KIAA0825: variants seen among roughly 807,000 people sequenced by gnomAD.
KIAA0825 encodes KIAA0825.
Under a neutral mutation model 147.6 loss-of-function variants are expected in KIAA0825, and 119 were observed. The observed-to-expected ratio is 0.81, with a 90% CI of 0.69 to 0.94. KIAA0825 has a LOEUF of 0.94. KIAA0825 is among the 40% of genes least tolerant of loss of function. The pLI, the probability that KIAA0825 is intolerant of heterozygous loss-of-function variation, is 0.00. For synonymous variants in KIAA0825, 470 were observed against 518.1 expected, an observed-to-expected ratio of 0.91 and a Z score of 1.26; for missense variants, 1,381 against 1,472.7, an observed-to-expected ratio of 0.94 and a Z score of 1.02.
At chr5:94,599,211 C>T (rs2152413907) in intron 1 of KIAA0825, among the ~76,000 whole-genome samples, 1 of 152,074 alleles carries the variant, frequency 6.6e-6, no homozygotes, top group East Asian at 1.9e-4. Flanking sequence ...TTTTGATTTG[C>T]ATTTCCCTGA....
chr5:94,543,220 G>T (rs1773681814), intron 2 of KIAA0825, among the ~76,000 whole-genome samples: 1 of 152,164 alleles, frequency 6.6e-6, no homozygotes, highest in African/African-American at 2.4e-5. Context: ...GAGACAGGAG[G>T]ATCTCCTGCA....
intron 15 of KIAA0825, chr5:94,413,309 G>A (rs929670471): frequency 6.6e-6 from 1 of 152,086 alleles, no homozygotes; most frequent in African/African-American, 2.4e-5. Flanking sequence ...CACATATACT[G>A]AGGGATGACT....
At chr5:94,574,173 C>T (rs1382496265) in intron 2 of KIAA0825, among the ~76,000 whole-genome samples, 2 of 152,088 alleles carry the variant, frequency 1.3e-5, no homozygotes, top group African/African-American at 4.8e-5. Flanking sequence ...TTCACAGGCC[C>T]CACAGTTGGA....
At chr5:94,200,743 C>T (rs1771584841) in intron 20 of KIAA0825, among the ~76,000 whole-genome samples, 1 of 151,594 alleles carries the variant, frequency 6.6e-6, no homozygotes, top group African/African-American at 2.4e-5. Context: ...CAAAACAAAC[C>T]AAACTGAAAC....
intron 20 of KIAA0825, among the ~76,000 whole-genome samples, chr5:94,274,347 G>A (rs908169453): frequency 1.3e-5 from 2 of 152,120 alleles, no homozygotes; most frequent in African/African-American, 4.8e-5. Flanking sequence ...GAAAGGGTTT[G>A]TGAGCAATAT....
chr5:94,589,424 C>CAAA (rs1228600911), intron 1 of KIAA0825, among the ~76,000 whole-genome samples: 49 of 152,048 alleles, frequency 3.2e-4, no homozygotes, highest in Non-Finnish European at 5.9e-4. Flanking sequence ...AATCTTTTTT[C>CAAA]AAGTGTTTGA....
At chr5:94,192,154 G>A (rs1032556943) in intron 20 of KIAA0825, among the ~76,000 whole-genome samples, 1 of 152,122 alleles carries the variant, frequency 6.6e-6, no homozygotes, top group Non-Finnish European at 1.5e-5. Flanking sequence ...AACTTCCCAC[G>A]GGAAAGAAAA....
At chr5:94,340,194 C>T (rs1254707651) in intron 20 of KIAA0825, among the ~76,000 whole-genome samples, 2 of 152,116 alleles carry the variant, frequency 1.3e-5, no homozygotes, top group Admixed American at 1.3e-4. Flanking sequence ...CTCTAATCTA[C>T]ACACATCTTC....
intron 20 of KIAA0825, among the ~76,000 whole-genome samples, chr5:94,372,232 A>G (rs1746818422): frequency 6.6e-6 from 1 of 152,104 alleles, no homozygotes. Context: ...GTGTGGTGCA[A>G]GCTATCAGTG....
chr5:94,444,633 G>A (rs1757510335), intron 13 of KIAA0825, among the ~76,000 whole-genome samples: 1 of 152,044 alleles, frequency 6.6e-6, no homozygotes, highest in Non-Finnish European at 1.5e-5. Context: ...GGAATAGGTG[G>A]TAGAAGAATG....
chr5:94,509,903 A>T (rs994464067), intron 5 of KIAA0825, among the ~76,000 whole-genome samples: 1 of 152,238 alleles, frequency 6.6e-6, no homozygotes, highest in African/African-American at 2.4e-5. Flanking sequence ...CATTAAAAGT[A>T]CATCCTCTTC....
At chr5:94,466,693 TG>T (rs1453097046) in intron 10 of KIAA0825, among the ~76,000 whole-genome samples, 2 of 132,538 alleles carry the variant, frequency 1.5e-5, no homozygotes, top group African/African-American at 5.9e-5. Context: ...GCCGAGATCG[TG>T]CCACTGCACT....
chr5:94,315,559 C>G (rs1302614563), intron 20 of KIAA0825, among the ~76,000 whole-genome samples: 1 of 151,606 alleles, frequency 6.6e-6, no homozygotes, highest in Non-Finnish European at 1.5e-5. Flanking sequence ...AGTCCACTAT[C>G]ATCTTACAAT....
At chr5:94,502,205 T>C (rs1203291940) in intron 5 of KIAA0825, among the ~76,000 whole-genome samples, 1 of 152,134 alleles carries the variant, frequency 6.6e-6, no homozygotes, top group African/African-American at 2.4e-5. Context: ...CATACATACA[T>C]ACATACACAC....
In KIAA0825 at chr5:94,386,330, C is replaced by T. The variant is rs374972554; in HGVS notation, c.3531G>A (p.Thr1177=). Residue 1177 remains threonine, a synonymous_variant, in exon 19 of 21, where the codon ACG becomes ACA. Transcript: ENST00000682413. ...EKPLPIRPLK[T]TLRSIEDQPS... Reference sequence around the variant, plus strand: ...GCTGATCTTCTATACTCCTCAAGGTCGTCTTTAAAGGTCGGATGGGTAATG... The same window carrying T: ...GCTGATCTTCTATACTCCTCAAGGTTGTCTTTAAAGGTCGGATGGGTAATG... 1.7e-5 allele frequency: 26 copies of T among 1,551,524 alleles called. No individual in the cohort carries two copies. The highest frequency in any genetic ancestry group is 6.8e-5 in the African/African-American group (5 of 73,100).
chr5:94,236,004 T>C (rs140649186), intron 20 of KIAA0825, among the ~76,000 whole-genome samples: 4,196 of 152,314 alleles, frequency 0.028, 116 homozygotes, highest in Non-Finnish European at 0.036. Flanking sequence ...AATGGAGATG[T>C]ACAAGGAGAT....
chr5:94,357,642 C>T (rs1744461123), intron 20 of KIAA0825, among the ~76,000 whole-genome samples: 1 of 152,164 alleles, frequency 6.6e-6, no homozygotes, highest in South Asian at 2.1e-4. Context: ...AGCCATCACA[C>T]CTGTGACTCT....
chr5:94,540,593 G>A (rs960036624), intron 2 of KIAA0825, among the ~76,000 whole-genome samples: 1 of 152,176 alleles, frequency 6.6e-6, no homozygotes, highest in Non-Finnish European at 1.5e-5. Context: ...GAAAGAGCTT[G>A]ATTAATTGGC....
intron 20 of KIAA0825, among the ~76,000 whole-genome samples, chr5:94,224,242 G>T (rs961043516): frequency 6.6e-6 from 1 of 150,810 alleles, no homozygotes; most frequent in Non-Finnish European, 1.5e-5. Flanking sequence ...GATTACAGCC[G>T]CCCACCACCA....
Sources: gnomAD v4.1 joint callset for allele counts (sites outside exome capture counted in the v4.1 genomes callset) on GRCh38, gnomAD v4.1.1 for gene constraint, MANE v1.5 for transcripts, NCBI Gene and HGNC (gene_info 2026-07-23, HGNC 2026-07-21) for gene names.